The following CFAP69 variants were observed in gnomAD, a reference collection of about 807,000 sequenced individuals.
CFAP69 encodes the protein cilia and flagella associated protein 69, also known as cilia- and flagella-associated protein 69.
In CFAP69, 92 loss-of-function variants were observed where a neutral mutation model predicts 123.0. The ratio of observed to expected loss-of-function variants is 0.75; its 90% CI spans 0.63 to 0.89. The LOEUF is 0.89. Ranked by LOEUF, CFAP69 falls within the 40% of genes least tolerant of loss-of-function variation. CFAP69 has a pLI of 0.00. For missense variants in CFAP69, 1,067 were observed against 1,096.9 expected (o/e 0.97, Z 0.39); for synonymous variants, 380 against 364.3 (o/e 1.04, Z -0.49).
At chr7:90,261,834 C>T (rs553472850) in intron 3 of CFAP69, 113 bp from the exon 4 acceptor site, 14 of 496,090 alleles carry the variant, frequency 2.8e-5, no homozygotes, top group African/African-American at 2.4e-4. Flanking sequence ...CAGTATCTAC[C>T]ACATTTGGCA....
intron 19 of CFAP69, among the ~76,000 whole-genome samples, chr7:90,306,147 T>A (rs1013689480): frequency 8.6e-5 from 13 of 151,866 alleles, no homozygotes; most frequent in Non-Finnish European, 1.8e-4. Context: ...AGACAAGGTC[T>A]CACTGTGTTG....
intron 17 of CFAP69, chr7:90,302,701 T>A (rs1792995201): frequency 6.6e-6 from 1 of 152,172 alleles, no homozygotes; most frequent in Non-Finnish European, 1.5e-5. Flanking sequence ...GTACCAGTAC[T>A]ATGCTGTTTT....
chr7:90,268,268 T>C lies in CFAP69; in HGVS notation c.434-18T>C. The C allele has an allele frequency of 6.5e-7, 1 of 1,529,508 alleles. No homozygotes were observed. Among genetic ancestry groups the C allele is most frequent in the Non-Finnish European group, 9.0e-7 (1 of 1,111,906 alleles). The allele number at this position is 1,529,508 out of a possible 1,614,324, so 94.7% of individuals were successfully genotyped here. A position where few individuals can be genotyped will look rare whatever the true frequency, so the allele number is the denominator to read the frequency against. ...TATGACAGTGTTGTTAAATAGCACC[T>C]GTTTATCTTTCTGGCAGGTGACTTA... On this transcript the variant is annotated intron_variant, in intron 5 of 22. Coordinates refer to ENST00000389297, the MANE Select transcript of CFAP69 (RefSeq NM_001039706.3).
intron 1 of CFAP69, among the ~76,000 whole-genome samples, chr7:90,246,515 C>G (rs953363600): frequency 1.3e-5 from 2 of 152,232 alleles, no homozygotes; most frequent in Non-Finnish European, 2.9e-5. Flanking sequence ...GAGTTGAGCT[C>G]TCTGAGGTCT....
At chr7:90,282,811 T>C in intron 12 of CFAP69, 81 bp from the exon 13 acceptor site, 1 of 1,157,180 alleles carries the variant, frequency 8.6e-7, no homozygotes, top group Non-Finnish European at 1.1e-6. Flanking sequence ...TTGTTTAAAC[T>C]TTTGATAGAT....
chr7:90,277,444 A>G lies in CFAP69; in HGVS notation c.1155+110A>G, dbSNP rs995105345. The G allele has an allele frequency of 3.4e-5, 33 of 959,830 alleles. No individual in the cohort carries two copies. In the African/African-American group the frequency reaches 5.6e-4, roughly 16 times the overall value. The allele number at this position is 959,830 out of a possible 1,614,324, so 59.5% of individuals were successfully genotyped here. A position where few individuals can be genotyped will look rare whatever the true frequency, so the allele number is the denominator to read the frequency against. On this transcript the variant is annotated intron_variant, in intron 11 of 22. Coordinates refer to ENST00000389297, the MANE Select transcript of CFAP69 (RefSeq NM_001039706.3). ...TTATCGGTTCATATATTTACCACAG[A>G]AAGCAGTAAAATCTTACTGGCCTGA...
At position 90,245,314 on chromosome 7, in the gene CFAP69, ACT is replaced by A; in HGVS notation, c.-107_-106del. The A allele has an allele frequency of 7.3e-7, 1 of 1,370,952 alleles. No homozygotes were observed. The highest frequency in any genetic ancestry group is 9.4e-7 in the Non-Finnish European group (1 of 1,058,594). 84.9% of individuals were successfully genotyped at this position (1,370,952 alleles called of 1,614,324 possible). A position where few individuals can be genotyped will look rare whatever the true frequency, so the allele number is the denominator to read the frequency against. On this transcript the variant is annotated 5_prime_UTR_variant, in exon 1 of 23. Transcript: ENST00000389297. ...TTTGGGACCTTTCGCGACTCTAGCG[ACT>A]CTCAGGCTGCCTTCCCTTCTCGGTG...
Position 90,283,022 on chromosome 7 carries a change from T to C in CFAP69, c.1503T>C (p.Asp501=), listed in dbSNP as rs1483646437. The change falls in exon 13 of 23, where the codon GAT becomes GAC. Residue 501 remains aspartate, a synonymous_variant. Transcript: ENST00000389297. The part of the protein sequence containing the change: ...VYLEDETVNK[D]LCEKGTIQQM... Reference sequence around the variant, plus strand: ...TTGAAGATGAGACTGTAAACAAAGATCTTTGTGAAAAGGGAACAATTCAGC... The same window carrying C: ...TTGAAGATGAGACTGTAAACAAAGACCTTTGTGAAAAGGGAACAATTCAGC... 2 of 1,578,798 alleles carry C rather than the reference T, an allele frequency of 1.3e-6. No individual in the cohort carries two copies. The highest frequency in any genetic ancestry group is 4.7e-5 in the East Asian group (2 of 42,652).
At chr7:90,261,896 G>A in intron 3 of CFAP69, 51 bp from the exon 4 acceptor site, 1 of 991,226 alleles carries the variant, frequency 1.0e-6, no homozygotes, top group Non-Finnish European at 1.5e-6. Flanking sequence ...TAAAGAATAT[G>A]TTAATAAAGA....
intron 1 of CFAP69, among the ~76,000 whole-genome samples, chr7:90,248,991 CTT>C (rs1796647609): frequency 6.6e-6 from 1 of 152,182 alleles, no homozygotes; most frequent in Non-Finnish European, 1.5e-5. Flanking sequence ...TAAATGGTAA[CTT>C]TCTGCTATTA....
intron 15 of CFAP69, among the ~76,000 whole-genome samples, chr7:90,293,407 G>A (rs1347708803): frequency 2.6e-5 from 4 of 152,096 alleles, no homozygotes; most frequent in African/African-American, 9.7e-5. Context: ...AGAAAAACCT[G>A]TTGTCATTTA....
Position 90,307,823 on chromosome 7 carries a change from T to C in CFAP69, c.2519T>C (p.Leu840Ser). 1 of 1,612,422 alleles carries C rather than the reference T, an allele frequency of 6.2e-7. No individual in the cohort carries two copies. The highest frequency in any genetic ancestry group is 1.1e-5 in the South Asian group (1 of 90,954). ...ELANKSWEDF[L>S]ARTSNAKTLK... ...GCTAATAAATCATGGGAAGATTTCT[T>C]GGCTAGAACATCAAACGCTAAAACG... The change falls in exon 21 of 23, where the codon TTG becomes TCG. Residue 840 changes from leucine to serine, a missense_variant. Leu to Ser is a moderately radical substitution (Grantham distance 145, BLOSUM62 -2). Transcript: ENST00000389297.
chr7:90,307,847 C>T lies in CFAP69; in HGVS notation c.2543C>T (p.Thr848Met), dbSNP rs764439886. 1.4e-5 allele frequency: 23 copies of T among 1,604,726 alleles called. No homozygotes were observed. Among genetic ancestry groups the T allele is most frequent in the Non-Finnish European group, 2.0e-5 (23 of 1,173,508 alleles). Residue 848 changes from threonine to methionine, a missense_variant, in exon 21 of 23, where the codon ACG becomes ATG. Physicochemically the swap from Thr to Met is moderately conservative, Grantham distance 81. Transcript: ENST00000389297. The part of the protein sequence containing the change: ...DFLARTSNAK[T>M]LKKAKSLQEK... ...TTGGCTAGAACATCAAACGCTAAAA[C>T]GTTAAAGGTAGGATTTTTAATGTAT...
At position 90,306,953 on chromosome 7, in the gene CFAP69, G is replaced by T; in HGVS notation, c.2318G>T (p.Arg773Ile). The change falls in exon 20 of 23, where the codon AGA becomes ATA. Residue 773 changes from arginine (R) to isoleucine (I), a missense_variant. Coordinates refer to ENST00000389297, the MANE Select transcript of CFAP69 (RefSeq NM_001039706.3). ...IYEEIKLEKL[R>I]PVTTDKKALE... ...GAAGAAATAAAATTAGAAAAATTAA[G>T]ACCAGTCACTACAGATAAAAAAGCT... 6.3e-7 allele frequency: 1 copy of T among 1,574,966 alleles called. No homozygotes were observed. The highest frequency in any genetic ancestry group is 1.1e-5 in the South Asian group (1 of 88,466).
chr7:90,259,375 C>T (rs887833623), intron 3 of CFAP69, among the ~76,000 whole-genome samples: 8 of 152,206 alleles, frequency 5.3e-5, no homozygotes, highest in African/African-American at 1.9e-4. Flanking sequence ...TGACACTATA[C>T]TCCAGTGTGA....
At chr7:90,249,681 C>A (rs17869559) in intron 1 of CFAP69, among the ~76,000 whole-genome samples, 2,999 of 152,208 alleles carry the variant, frequency 0.02, 99 homozygotes, top group East Asian at 0.11. Context: ...AGTATCCCAA[C>A]CCCCTTTAGA....
At chr7:90,247,393 A>G (rs1796454728) in intron 1 of CFAP69, among the ~76,000 whole-genome samples, 1 of 152,202 alleles carries the variant, frequency 6.6e-6, no homozygotes, top group African/African-American at 2.4e-5. Context: ...TGTGCTTCTG[A>G]GACAGTATAT....
intron 17 of CFAP69, chr7:90,303,039 G>A (rs1238099518): frequency 6.6e-6 from 1 of 152,058 alleles, no homozygotes. Flanking sequence ...TTGGCTCCCT[G>A]GTTAGCTGTA....
intron 5 of CFAP69, chr7:90,266,151 G>T (rs141344121): frequency 2.0e-5 from 3 of 152,140 alleles, no homozygotes; most frequent in Non-Finnish European, 4.4e-5. Flanking sequence ...CATATAGAAA[G>T]ATGTTAGAGA....
Sources: gnomAD v4.1 joint callset for allele counts (sites outside exome capture counted in the v4.1 genomes callset) on GRCh38, gnomAD v4.1.1 for gene constraint, MANE v1.5 for transcripts, NCBI Gene and HGNC (gene_info 2026-07-23, HGNC 2026-07-21) for gene names.